ELMO1: variants seen among roughly 807,000 people sequenced by gnomAD.
The protein encoded by ELMO1 is engulfment and cell motility protein 1.
ELMO1 carries 26 observed loss-of-function variants against 98.9 expected under a neutral mutation model. That is an observed-to-expected ratio of 0.26 (90% confidence interval 0.19 to 0.36). The LOEUF (loss-of-function observed/expected upper bound fraction) is 0.36. Among genes scored for constraint, ELMO1 ranks in the 10% least tolerant of loss-of-function variants. The pLI, the probability that ELMO1 is intolerant of heterozygous loss-of-function variation, is 1.00. For synonymous variants in ELMO1, 346 were observed against 346.0 expected (o/e 1.00, Z 0.00); for missense variants, 627 against 935.2 (o/e 0.67, Z 4.30).
chr7:37,443,571 C>G (rs577488100), intron 1 of ELMO1, among the ~76,000 whole-genome samples: 1 of 152,316 alleles, frequency 6.6e-6, no homozygotes, highest in South Asian at 2.1e-4. Flanking sequence ...TCTGCTCGTA[C>G]CGTACCTGCA....
intron 21 of ELMO1, 57 bp downstream of exon 21, chr7:36,861,602 A>G (rs1802632108): frequency 1.3e-6 from 2 of 1,559,898 alleles, no homozygotes; most frequent in South Asian, 2.3e-5. Context: ...TTCTTTCTAT[A>G]TTTTTCTTGA....
intron 14 of ELMO1, among the ~76,000 whole-genome samples, chr7:37,098,417 G>T (rs940531585): frequency 4.6e-5 from 7 of 152,350 alleles, no homozygotes; most frequent in African/African-American, 1.4e-4. Context: ...GTGACAGAGA[G>T]TAACAGGGAA....
intron 15 of ELMO1, among the ~76,000 whole-genome samples, chr7:37,087,198 A>G (rs932609254): frequency 6.6e-6 from 1 of 152,158 alleles, no homozygotes. Flanking sequence ...TCTAAACCAC[A>G]TTAGCTTATC....
chr7:37,158,275 A>C (rs1788941256), intron 13 of ELMO1, among the ~76,000 whole-genome samples: 1 of 152,226 alleles, frequency 6.6e-6, no homozygotes, highest in African/African-American at 2.4e-5. Context: ...AAACACCAAA[A>C]GCAATGGCAA....
chr7:37,050,774 A>T (rs555703614), intron 15 of ELMO1, among the ~76,000 whole-genome samples: 1 of 151,780 alleles, frequency 6.6e-6, no homozygotes, highest in African/African-American at 2.4e-5. Flanking sequence ...ATTACCAAAA[A>T]AAAAAACCCT....
At chr7:37,316,379 T>C (rs1290683880) in intron 2 of ELMO1, among the ~76,000 whole-genome samples, 4 of 152,212 alleles carry the variant, frequency 2.6e-5, no homozygotes, top group East Asian at 1.9e-4. Flanking sequence ...CCTGGATTCA[T>C]GATATTTTTA....
At chr7:37,019,458 C>G (rs6964564) in intron 15 of ELMO1, among the ~76,000 whole-genome samples, 45,795 of 152,130 alleles carry the variant, frequency 0.3, 9,711 homozygotes, top group African/African-American at 0.61. Context: ...CAAGCTCAAT[C>G]CAAGTGTGGG....
chr7:37,085,806 G>C (rs995870140), intron 15 of ELMO1, among the ~76,000 whole-genome samples: 8 of 152,164 alleles, frequency 5.3e-5, no homozygotes, highest in African/African-American at 1.7e-4. Context: ...CCTGCAAATG[G>C]CCTCCGTCAT....
At chr7:36,868,347 T>TCTC (rs1491270116) in intron 20 of ELMO1, among the ~76,000 whole-genome samples, 1 of 77,352 alleles carries the variant, frequency 1.3e-5, no homozygotes, top group African/African-American at 4.1e-5. Context: ...TTCTTCTTCT[T>TCTC]CTTTTTTTTT....
chr7:36,895,595 G>T (rs553503306), intron 16 of ELMO1, among the ~76,000 whole-genome samples: 1 of 152,294 alleles, frequency 6.6e-6, no homozygotes, highest in African/African-American at 2.4e-5. Context: ...ACTAAAAAAA[G>T]AGGTTTATTA....
chr7:37,212,167 C>G (rs1047217613), intron 12 of ELMO1, among the ~76,000 whole-genome samples: 5 of 152,082 alleles, frequency 3.3e-5, no homozygotes, highest in African/African-American at 1.2e-4. Flanking sequence ...ATATGAGGTC[C>G]CTGGAGTAGT....
At chr7:37,175,035 T>C (rs1274914007) in intron 13 of ELMO1, among the ~76,000 whole-genome samples, 2 of 150,114 alleles carry the variant, frequency 1.3e-5, no homozygotes, top group South Asian at 4.2e-4. Flanking sequence ...GGACCCGAGA[T>C]AAAGTGGAGG....
intron 15 of ELMO1, among the ~76,000 whole-genome samples, chr7:37,026,428 C>T (rs1482545944): frequency 2.0e-5 from 3 of 152,166 alleles, no homozygotes; most frequent in Non-Finnish European, 4.4e-5. Context: ...AAGGATTGCT[C>T]ATTGAACAGG....
chr7:37,011,219 C>G lies in ELMO1; in HGVS notation c.1437+2080G>C, dbSNP rs1176693367. Among the ~76,000 whole-genome samples, 3 of 152,224 alleles carry G rather than the reference C, an allele frequency of 2.0e-5. No homozygotes were observed. The South Asian group carries it at 6.2e-4, about 31-fold the overall frequency. On this transcript the variant is annotated intron_variant, in intron 16 of 21. Transcript: ENST00000310758. The stretch of plus-strand genomic sequence containing the variant: ...TTATGATAAAAGTTTCACAGTGACA[C>G]TCTGGGGGGCTTGCTGTCACCTGGC...
chr7:37,332,371 G>A (rs181540092), intron 2 of ELMO1, among the ~76,000 whole-genome samples: 117 of 152,258 alleles, frequency 7.7e-4, no homozygotes, highest in Middle Eastern at 3.4e-3. Context: ...AGTTTACCAC[G>A]TGCAGGCCCT....
At chr7:37,357,340 A>G (rs1282795286) in intron 1 of ELMO1, among the ~76,000 whole-genome samples, 2 of 152,186 alleles carry the variant, frequency 1.3e-5, no homozygotes, top group South Asian at 2.1e-4. Context: ...GGTTGAACAC[A>G]GGTATCACAC....
intron 13 of ELMO1, among the ~76,000 whole-genome samples, chr7:37,143,427 G>A (rs557866758): frequency 2.0e-5 from 3 of 152,050 alleles, no homozygotes; most frequent in African/African-American, 4.8e-5. Context: ...ATTTTTTTGC[G>A]ACCGAGTCTC....
At position 37,157,996 on chromosome 7, in the gene ELMO1, C is replaced by T. The variant is rs377038497; in HGVS notation, c.1087-24762G>A. 1.6e-4 allele frequency among the ~76,000 whole-genome samples: 24 copies of T among 152,130 alleles called. 1 individual carries two copies. The South Asian group carries it at 5.0e-3, about 32-fold the overall frequency. On this transcript the variant is annotated intron_variant, in intron 13 of 21. Transcript: ENST00000310758. ...AACAGAACAGAGCCCTCAGAAATAACACCACACATCTACAACCATCTGATC... is the reference window on the plus strand; with the variant it reads ...AACAGAACAGAGCCCTCAGAAATAATACCACACATCTACAACCATCTGATC...
intron 14 of ELMO1, among the ~76,000 whole-genome samples, chr7:37,107,559 C>T (rs182869821): frequency 1.3e-5 from 2 of 152,314 alleles, no homozygotes; most frequent in South Asian, 2.1e-4. Flanking sequence ...TTTTGACTCG[C>T]TCAACATTAC....
Sources: gnomAD v4.1 joint callset for allele counts (sites outside exome capture counted in the v4.1 genomes callset) on GRCh38, gnomAD v4.1.1 for gene constraint, MANE v1.5 for transcripts, NCBI Gene and HGNC (gene_info 2026-07-23, HGNC 2026-07-21) for gene names.